Variants in SIK3 observed in about 807,000 individuals in gnomAD.
SIK3 encodes serine/threonine-protein kinase SIK3.
A neutral mutation model predicts 144.2 loss-of-function variants in SIK3; 28 were observed. The observed-to-expected ratio is 0.19, with a 90% CI of 0.14 to 0.27. The LOEUF (loss-of-function observed/expected upper bound fraction) is 0.27, where lower values mean the gene tolerates loss of function less well. SIK3 is among the 10% of genes least tolerant of loss of function. SIK3 has a pLI of 1.00. For synonymous variants in SIK3, 686 were observed against 676.3 expected (o/e 1.01, Z -0.22); for missense variants, 1,319 against 1,776.0 (o/e 0.74, Z 4.62).
intron 1 of SIK3, among the ~76,000 whole-genome samples, chr11:116,964,560 C>T (rs1466112377): frequency 6.6e-6 from 1 of 152,100 alleles, no homozygotes; most frequent in Admixed American, 6.6e-5. Flanking sequence ...ATAAACTCCA[C>T]AGAAAGTGGT....
intron 1 of SIK3, among the ~76,000 whole-genome samples, chr11:117,028,882 A>T (rs1952136531): frequency 6.6e-6 from 1 of 151,914 alleles, no homozygotes; most frequent in South Asian, 2.1e-4. Flanking sequence ...AAAATGACAA[A>T]CTGGGCCAGG....
chr11:116,927,130 G>T, intron 4 of SIK3, 89 bp downstream of exon 4: 1 of 863,576 alleles, frequency 1.2e-6, no homozygotes, highest in South Asian at 2.6e-5. Flanking sequence ...AGTTCTTTCT[G>T]AAGAGATGGA....
intron 1 of SIK3, among the ~76,000 whole-genome samples, chr11:117,050,211 C>T (rs10892066): frequency 0.37 from 56,508 of 151,550 alleles, 12,849 homozygotes; most frequent in African/African-American, 0.65. Context: ...ATCGCTTGAA[C>T]CTGGGAGACG....
chr11:117,064,634 CTT>C (rs1209574523), intron 1 of SIK3, among the ~76,000 whole-genome samples: 1 of 152,186 alleles, frequency 6.6e-6, no homozygotes, highest in African/African-American at 2.4e-5. Flanking sequence ...TTTTTCAACT[CTT>C]ATACCTACAA....
intron 1 of SIK3, among the ~76,000 whole-genome samples, chr11:117,024,402 T>G (rs1477625078): frequency 6.6e-6 from 1 of 151,892 alleles, no homozygotes; most frequent in Non-Finnish European, 1.5e-5. Context: ...ATTGTGCCTC[T>G]TTTCCCTAAA....
chr11:116,928,161 A>G (rs1947386864), intron 3 of SIK3, among the ~76,000 whole-genome samples: 1 of 152,256 alleles, frequency 6.6e-6, no homozygotes, highest in Non-Finnish European at 1.5e-5. Flanking sequence ...AAAGCAGGCT[A>G]TCCTCAATAT....
intron 1 of SIK3, among the ~76,000 whole-genome samples, chr11:117,072,489 G>A (rs1416356543): frequency 1.3e-5 from 2 of 152,192 alleles, no homozygotes; most frequent in Non-Finnish European, 2.9e-5. Flanking sequence ...AGTGTAAACA[G>A]CTATTTTCAC....
intron 1 of SIK3, among the ~76,000 whole-genome samples, chr11:117,067,894 G>C (rs2135985228): frequency 6.6e-6 from 1 of 152,258 alleles, no homozygotes; most frequent in Non-Finnish European, 1.5e-5. Flanking sequence ...GGTTGAGGCA[G>C]AATCGCTTCA....
intron 1 of SIK3, among the ~76,000 whole-genome samples, chr11:117,026,799 C>A (rs1952028622): frequency 6.6e-6 from 1 of 152,212 alleles, no homozygotes; most frequent in Non-Finnish European, 1.5e-5. Context: ...AGCTGCTAAG[C>A]TGTCCCTTTC....
intron 1 of SIK3, among the ~76,000 whole-genome samples, chr11:117,055,559 T>C (rs557725511): frequency 2.0e-5 from 3 of 152,260 alleles, no homozygotes; most frequent in Admixed American, 6.5e-5. Context: ...GTGGGTTGGA[T>C]AGAGGAGCCA....
Position 116,988,302 on chromosome 11 carries a change from C to T in SIK3, c.274-31238G>A, listed in dbSNP as rs12278784. Among the ~76,000 whole-genome samples the T allele has an allele frequency of 7.7e-3, 1,170 of 152,020 alleles. 15 individuals carry two copies. Among genetic ancestry groups the T allele is most frequent in the African/African-American group, 0.024 (999 of 41,462 alleles). ...TAGGGAGGCTAAGGCAGGAGAATGG[C>T]GTGAACCCGGGAGGCGGAGCTTGCA... On this transcript the variant is annotated intron_variant, in intron 1 of 24. Coordinates refer to ENST00000445177, the MANE Select transcript of SIK3 (RefSeq NM_001366686.3).
chr11:117,034,499 T>C (rs1367296634), intron 1 of SIK3, among the ~76,000 whole-genome samples: 1 of 152,190 alleles, frequency 6.6e-6, no homozygotes, highest in Admixed American at 6.5e-5. Context: ...TAGATCACTT[T>C]TTAGCATGCC....
Position 116,876,216 on chromosome 11 carries a change from C to T in SIK3, c.1095+37G>A, listed in dbSNP as rs751055066. 1.9e-6 allele frequency: 3 copies of T among 1,583,782 alleles called. No individual in the cohort carries two copies. The African/African-American group carries it at 4.1e-5, about 22-fold the overall frequency. On this transcript the variant is annotated intron_variant, in intron 8 of 24. Transcript: ENST00000445177. ...TGGAAAAAGCAGGTTAGAGGAACTGCTACATCCCACTTTGTTCTCCACTCC... is the reference window on the plus strand; with the variant it reads ...TGGAAAAAGCAGGTTAGAGGAACTGTTACATCCCACTTTGTTCTCCACTCC...
chr11:116,853,128 T>C (rs981504733), intron 21 of SIK3, among the ~76,000 whole-genome samples: 1 of 152,142 alleles, frequency 6.6e-6, no homozygotes, highest in Non-Finnish European at 1.5e-5. Flanking sequence ...TGACGGTTGT[T>C]TGGGGGCTCG....
At position 116,943,927 on chromosome 11, in the gene SIK3, C is replaced by T. The variant is rs1948443288; in HGVS notation, c.454+10117G>A. Reference sequence around the variant, plus strand: ...CATTTAAAAGTAAAAAAAAAAAGCACTCATTTTGAAAATCAGTAACTTACT... The same window carrying T: ...CATTTAAAAGTAAAAAAAAAAAGCATTCATTTTGAAAATCAGTAACTTACT... On this transcript the variant is annotated intron_variant, in intron 3 of 24. Coordinates refer to ENST00000445177, the MANE Select transcript of SIK3 (RefSeq NM_001366686.3). Among the ~76,000 whole-genome samples the T allele has an allele frequency of 2.0e-5, 3 of 150,128 alleles. 1 individual carries two copies. In the South Asian group the frequency reaches 6.2e-4, roughly 31 times the overall value.
chr11:117,032,537 T>A lies in SIK3; in HGVS notation c.273+65606A>T, dbSNP rs115821472. Among the ~76,000 whole-genome samples, 1,141 of 152,300 alleles carry A rather than the reference T, an allele frequency of 7.5e-3. 12 individuals carry two copies. The highest frequency in any genetic ancestry group is 0.026 in the African/African-American group (1,097 of 41,542). ...TGTTTAGAGACAAGGTCTTGCTCTG[T>A]TGCCCAGGCTCCTGGCTAGAGTCCA... is the stretch of plus-strand genomic sequence containing the variant. On this transcript the variant is annotated intron_variant, in intron 1 of 24. Coordinates refer to ENST00000445177, the MANE Select transcript of SIK3 (RefSeq NM_001366686.3).
chr11:117,021,264 A>C (rs1276544007), intron 1 of SIK3, among the ~76,000 whole-genome samples: 1 of 152,200 alleles, frequency 6.6e-6, no homozygotes, highest in Non-Finnish European at 1.5e-5. Context: ...GTAAAAAATA[A>C]ACATTAAACC....
At chr11:117,029,896 G>A (rs1459408536) in intron 1 of SIK3, among the ~76,000 whole-genome samples, 2 of 151,736 alleles carry the variant, frequency 1.3e-5, no homozygotes. Context: ...GGATTTAGGA[G>A]TCATTATGAT....
intron 2 of SIK3, among the ~76,000 whole-genome samples, chr11:116,954,438 A>C (rs534136336): frequency 6.6e-6 from 1 of 152,002 alleles, no homozygotes; most frequent in East Asian, 1.9e-4. Context: ...TTCAGATTCA[A>C]CATCAATCAT....
Sources: allele counts gnomAD v4.1 joint callset (sites outside exome capture counted in the v4.1 genomes callset), GRCh38; gene constraint gnomAD v4.1.1; transcripts MANE v1.5; gene names NCBI Gene and HGNC (gene_info 2026-07-23, HGNC 2026-07-21).